The following VPS13B variants were observed in gnomAD, a reference collection of about 807,000 sequenced individuals.
VPS13B encodes intermembrane lipid transfer protein VPS13B.
Under a neutral mutation model 426.4 loss-of-function variants are expected in VPS13B, and 285 were observed. The ratio of observed to expected loss-of-function variants is 0.67; its 90% CI spans 0.61 to 0.74. The LOEUF (loss-of-function observed/expected upper bound fraction) is 0.74. Among genes scored for constraint, VPS13B ranks in the 30% least tolerant of loss-of-function variants. The pLI, the probability that VPS13B is intolerant of heterozygous loss-of-function variation, is 0.00. For missense variants in VPS13B, 4,537 were observed against 4,782.6 expected (o/e 0.95, Z 1.51); for synonymous variants, 1,676 against 1,676.4 (o/e 1.00, Z 0.01).
At chr8:99,320,517 C>T (rs1809919766) in intron 19 of VPS13B, among the ~76,000 whole-genome samples, 2 of 152,028 alleles carry the variant, frequency 1.3e-5, no homozygotes, top group African/African-American at 4.8e-5. Context: ...TAACTTTAAT[C>T]TTAGATGATT....
At chr8:99,277,761 T>G (rs1293591026) in intron 19 of VPS13B, among the ~76,000 whole-genome samples, 1 of 152,204 alleles carries the variant, frequency 6.6e-6, no homozygotes, top group Non-Finnish European at 1.5e-5. Context: ...GTTGATTGTT[T>G]CCCCTGCTAT....
chr8:99,082,046 T>C (rs920256875), intron 3 of VPS13B, among the ~76,000 whole-genome samples: 27 of 152,290 alleles, frequency 1.8e-4, no homozygotes, highest in African/African-American at 5.3e-4. Flanking sequence ...CACTGACTTC[T>C]ACAGTGGTTG....
intron 19 of VPS13B, among the ~76,000 whole-genome samples, chr8:99,366,043 T>A (rs1429964201): frequency 6.6e-6 from 1 of 152,178 alleles, no homozygotes; most frequent in Non-Finnish European, 1.5e-5. Context: ...AAGATCCATG[T>A]GCTAAAGAGA....
At chr8:99,661,205 TTACTG>T (rs1830209874) in intron 34 of VPS13B, 144 bp from the exon 35 acceptor site, 2 of 927,430 alleles carry the variant, frequency 2.2e-6, no homozygotes, top group Non-Finnish European at 1.7e-6. Flanking sequence ...GAGTGCTTGT[TTACTG>T]TATGTGCACA....
chr8:99,544,552 T>TA (rs1823847957), intron 30 of VPS13B, among the ~76,000 whole-genome samples: 2 of 152,152 alleles, frequency 1.3e-5, no homozygotes, highest in South Asian at 4.1e-4. Context: ...AATGATTGCT[T>TA]AGTGCTTAGT....
chr8:99,683,980 T>C (rs1442003312), intron 35 of VPS13B, among the ~76,000 whole-genome samples: 1 of 152,230 alleles, frequency 6.6e-6, no homozygotes, highest in Non-Finnish European at 1.5e-5. Flanking sequence ...GCTTTTCATA[T>C]ATAGCCTTCA....
At chr8:99,170,411 G>T (rs933250326) in intron 16 of VPS13B, among the ~76,000 whole-genome samples, 4 of 151,868 alleles carry the variant, frequency 2.6e-5, no homozygotes, top group Non-Finnish European at 5.9e-5. Flanking sequence ...TGTTGGATGT[G>T]TGTAAAATAC....
chr8:99,474,291 C>T (rs769117234), intron 24 of VPS13B, among the ~76,000 whole-genome samples: 12 of 149,858 alleles, frequency 8.0e-5, no homozygotes, highest in South Asian at 4.2e-4. Context: ...CAGGTTCAAG[C>T]GATTCTCCTG....
chr8:99,566,076 T>C (rs1176396878), intron 31 of VPS13B, among the ~76,000 whole-genome samples: 1 of 152,152 alleles, frequency 6.6e-6, no homozygotes, highest in Admixed American at 6.5e-5. Context: ...GAGGCAGCAG[T>C]TGGTTTTTCA....
At chr8:99,652,707 A>G (rs1481914471) in intron 34 of VPS13B, among the ~76,000 whole-genome samples, 1 of 152,168 alleles carries the variant, frequency 6.6e-6, no homozygotes, top group Non-Finnish European at 1.5e-5. Flanking sequence ...AGATTGAATT[A>G]TATGCCTCTT....
chr8:99,449,993 C>T (rs937885996), intron 23 of VPS13B, among the ~76,000 whole-genome samples: 1 of 151,820 alleles, frequency 6.6e-6, no homozygotes, highest in Non-Finnish European at 1.5e-5. Context: ...TTAGTAGAGA[C>T]GGGGTTTCAT....
Position 99,316,830 on chromosome 8 carries a change from T to TG in VPS13B, c.2824+41578dup, listed in dbSNP as rs748556247. Among the ~76,000 whole-genome samples the TG allele has an allele frequency of 1.1e-4, 16 of 152,340 alleles. No homozygotes were observed. The East Asian group carries it at 2.9e-3, about 28-fold the overall frequency. ...CAGCCATTGTGAAGCCCCTGTCTTG[T>TG]GGCTTTATTTCTTATTTCCTGTTAT... On this transcript the variant is annotated intron_variant, in intron 19 of 61. Transcript: ENST00000357162.
chr8:99,319,233 T>C (rs1809845880), intron 19 of VPS13B, among the ~76,000 whole-genome samples: 1 of 152,202 alleles, frequency 6.6e-6, no homozygotes, highest in Non-Finnish European at 1.5e-5. Context: ...TGCCTGTGTA[T>C]ATGTGTTGCA....
intron 17 of VPS13B, among the ~76,000 whole-genome samples, chr8:99,210,651 G>T (rs1815034309): frequency 6.6e-6 from 1 of 151,772 alleles, no homozygotes; most frequent in South Asian, 2.1e-4. Flanking sequence ...CATCTCTCAG[G>T]CTGGAGTGCA....
At chr8:99,247,193 C>T (rs1817271191) in intron 17 of VPS13B, among the ~76,000 whole-genome samples, 1 of 151,874 alleles carries the variant, frequency 6.6e-6, no homozygotes, top group Non-Finnish European at 1.5e-5. Flanking sequence ...TTTTTTAACT[C>T]CTTCTATTAA....
intron 39 of VPS13B, among the ~76,000 whole-genome samples, chr8:99,728,083 T>C (rs1292666432): frequency 6.6e-6 from 1 of 152,218 alleles, no homozygotes; most frequent in Non-Finnish European, 1.5e-5. Context: ...GCTTGGCAGT[T>C]ATACATCTCA....
rs1399894193 is a variant in VPS13B, at chr8:99,847,501, T to C, written c.9943-1275T>C. Among the ~76,000 whole-genome samples the C allele has an allele frequency of 3.9e-5, 6 of 152,130 alleles. No individual in the cohort carries two copies. In the East Asian group the frequency reaches 9.6e-4, roughly 24 times the overall value. On this transcript the variant is annotated intron_variant, in intron 54 of 61. Transcript: ENST00000357162. The stretch of plus-strand genomic sequence containing the variant: ...ACATACAGGCTTTTGAAAGGACTTA[T>C]ATGGAGAAAAGTATATTCTAGGCGT...
At chr8:99,835,075 G>A in intron 52 of VPS13B, 122 bp from the exon 53 acceptor site, 1 of 1,223,438 alleles carries the variant, frequency 8.2e-7, no homozygotes, top group Non-Finnish European at 1.2e-6. Context: ...AATCTCCCCT[G>A]AGTTATAAAA....
intron 17 of VPS13B, among the ~76,000 whole-genome samples, chr8:99,243,724 G>T (rs1418064465): frequency 6.6e-6 from 1 of 152,196 alleles, no homozygotes; most frequent in African/African-American, 2.4e-5. Flanking sequence ...AGGGCCAACT[G>T]CCTTTAGTAG....
Sources: gnomAD v4.1 joint callset for allele counts (sites outside exome capture counted in the v4.1 genomes callset) on GRCh38, gnomAD v4.1.1 for gene constraint, MANE v1.5 for transcripts, NCBI Gene and HGNC (gene_info 2026-07-23, HGNC 2026-07-21) for gene names.